ZNF292: variants seen among roughly 807,000 people sequenced by gnomAD.
ZNF292 encodes 16 zinc-finger domain protein.
A neutral mutation model predicts 217.9 loss-of-function variants in ZNF292; 26 were observed. That is an observed-to-expected ratio of 0.12 (90% confidence interval 0.09 to 0.17). ZNF292 has a LOEUF of 0.17. ZNF292 is among the 10% of genes least tolerant of loss of function. The probability of loss-of-function intolerance (pLI) is 1.00; values close to 1 mark genes in which losing one functional copy is unlikely to be tolerated. For synonymous variants in ZNF292, 1,257 were observed against 1,124.1 expected, an observed-to-expected ratio of 1.12 and a Z score of -2.37; for missense variants, 2,904 against 3,175.2, an observed-to-expected ratio of 0.91 and a Z score of 2.05.
At chr6:87,193,461 G>A (rs1771872773) in intron 1 of ZNF292, among the ~76,000 whole-genome samples, 2 of 151,996 alleles carry the variant, frequency 1.3e-5, no homozygotes, top group South Asian at 2.1e-4. Flanking sequence ...GATTGCTTGA[G>A]CCTGAGAGGT....
chr6:87,155,736 G>T lies in ZNF292; in HGVS notation c.145G>T (p.Asp49Tyr). ...SRVPAVEAATDYCQQLCQTLL... is the reference protein window; with the variant it reads ...SRVPAVEAATYYCQQLCQTLL... ...GGTACCGGCCGTGGAAGCGGCCACCGACTACTGTCAGCAGCTGTGCCAGGT... is the reference window on the plus strand; with the variant it reads ...GGTACCGGCCGTGGAAGCGGCCACCTACTACTGTCAGCAGCTGTGCCAGGT... Residue 49 changes from aspartate (D) to tyrosine (Y), a missense_variant, in exon 1 of 8, where the codon GAC becomes TAC. Physicochemically the swap from Asp to Tyr is radical, Grantham distance 160 (BLOSUM62 -3). Transcript: ENST00000369577. The T allele has an allele frequency of 1.9e-6, 3 of 1,599,920 alleles. No individual in the cohort carries two copies. Among genetic ancestry groups the T allele is most frequent in the Non-Finnish European group, 2.6e-6 (3 of 1,174,876 alleles).
intron 1 of ZNF292, among the ~76,000 whole-genome samples, chr6:87,202,824 A>G (rs916348297): frequency 4.6e-5 from 7 of 152,162 alleles, no homozygotes; most frequent in Non-Finnish European, 1.0e-4. Context: ...GGGGGAGAGA[A>G]AGAGACCACA....
intron 1 of ZNF292, among the ~76,000 whole-genome samples, chr6:87,198,836 A>C (rs573469104): frequency 1.3e-5 from 2 of 152,246 alleles, no homozygotes; most frequent in Admixed American, 6.5e-5. Flanking sequence ...AAAAGCTATC[A>C]AATATTTCAT....
intron 1 of ZNF292, among the ~76,000 whole-genome samples, chr6:87,176,294 G>A (rs1452238418): frequency 6.6e-6 from 1 of 152,228 alleles, no homozygotes; most frequent in Non-Finnish European, 1.5e-5. Context: ...AGAATAGACA[G>A]TGGTGGGGAA....
Position 87,256,611 on chromosome 6 carries a change from C to T in ZNF292, c.2982C>T (p.Cys994=), listed in dbSNP as rs1775229041. ...TCCAGGAGAGAAAAGAACAAGATTG[C>T]TTTAATGATGCCCATGTTACTCAGA... ...PGFQERKEQD[C]FNDAHVTQNS... Residue 994 remains cysteine (C), a synonymous_variant, in exon 8 of 8, where the codon TGC becomes TGT. Coordinates refer to ENST00000369577, the MANE Select transcript of ZNF292 (RefSeq NM_015021.3). The T allele has an allele frequency of 1.9e-6, 3 of 1,613,482 alleles. No homozygotes were observed. The highest frequency in any genetic ancestry group is 2.5e-6 in the Non-Finnish European group (3 of 1,179,830).
Position 87,259,956 on chromosome 6 carries a change from TCCTTACAGA to T in ZNF292, c.6333_6341del (p.Pro2113_Arg2115del), listed in dbSNP as rs762036850. 6.2e-7 allele frequency: 1 copy of T among 1,613,630 alleles called. No homozygotes were observed. Among genetic ancestry groups the T allele is most frequent in the Non-Finnish European group, 8.5e-7 (1 of 1,179,704 alleles). On this transcript the variant is annotated inframe_deletion, in exon 8 of 8. Transcript: ENST00000369577. ...CCCTTGAGTTTCCAACAAGATACAG[TCCTTACAGA>T]CCTTATCGATGTGTTCACCAGGGAT... is the stretch of plus-strand genomic sequence containing the variant.
intron 4 of ZNF292, among the ~76,000 whole-genome samples, chr6:87,222,197 C>T (rs956050273): frequency 1.3e-5 from 2 of 152,054 alleles, no homozygotes; most frequent in Non-Finnish European, 2.9e-5. Flanking sequence ...TTGCAGACTT[C>T]ATTTTCATAT....
At chr6:87,245,169 A>C (rs1439478297) in intron 6 of ZNF292, among the ~76,000 whole-genome samples, 1 of 151,906 alleles carries the variant, frequency 6.6e-6, no homozygotes, top group Non-Finnish European at 1.5e-5. Context: ...TGAACCCGGG[A>C]GGCAAGGTTG....
rs1775634437 is a variant in ZNF292 at position 87,262,041 on chromosome 6, A to G, written c.*240A>G. On this transcript the variant is annotated 3_prime_UTR_variant, in exon 8 of 8. Coordinates refer to ENST00000369577, the MANE Select transcript of ZNF292 (RefSeq NM_015021.3). ...TTGTAAATAGTGAGCTAAACCTCAA[A>G]TTTCTATCACCCAGTTGCCCTTTTC... The G allele has an allele frequency of 3.5e-6, 1 of 287,376 alleles. No homozygotes were observed. Among genetic ancestry groups the G allele is most frequent in the Non-Finnish European group, 6.5e-6 (1 of 154,728 alleles). The allele number at this position is 287,376 out of a possible 1,614,324, so 17.8% of individuals were successfully genotyped here.
chr6:87,246,833 G>A (rs913876706), intron 7 of ZNF292, among the ~76,000 whole-genome samples: 2 of 152,058 alleles, frequency 1.3e-5, no homozygotes, highest in African/African-American at 2.4e-5. Flanking sequence ...TCCAGCCTGG[G>A]TGACAAGCAA....
At position 87,259,837 on chromosome 6, in the gene ZNF292, A is replaced by G. The variant is rs910486581; in HGVS notation, c.6208A>G (p.Asn2070Asp). The G allele has an allele frequency of 3.7e-6, 6 of 1,612,786 alleles. No individual in the cohort carries two copies. The highest frequency in any genetic ancestry group is 5.1e-6 in the Non-Finnish European group (6 of 1,179,372). Residue 2070 changes from asparagine (N) to aspartate (D), a missense_variant, in exon 8 of 8, where the codon AAT (asparagine) becomes GAT (aspartate). This residue lies in a region of ZNF292 where 261 missense variants were observed against 272.8 expected (regional missense o/e 0.96). Transcript: ENST00000369577. ...ITVTSEQCNT[N>D]ALTNTQTKGR... is the part of the protein sequence containing the mutation. The stretch of plus-strand genomic sequence containing the variant: ...AGTTACTTCAGAACAATGTAATACA[A>G]ATGCACTCACAAACACACAAACCAA...
At chr6:87,249,133 G>T (rs1332486260) in intron 7 of ZNF292, among the ~76,000 whole-genome samples, 1 of 152,054 alleles carries the variant, frequency 6.6e-6, no homozygotes, top group Non-Finnish European at 1.5e-5. Context: ...GCTTTTGTTG[G>T]TTCATTGGTT....
intron 5 of ZNF292, among the ~76,000 whole-genome samples, chr6:87,241,788 C>T (rs1291138187): frequency 6.6e-6 from 1 of 152,300 alleles, no homozygotes; most frequent in South Asian, 2.1e-4. Flanking sequence ...CTAGCACATT[C>T]ATACAGGTGG....
Position 87,260,833 on chromosome 6 carries a change from A to C in ZNF292, c.7204A>C (p.Asn2402His). 6.2e-7 allele frequency: 1 copy of C among 1,612,116 alleles called. No homozygotes were observed. The highest frequency in any genetic ancestry group is 8.5e-7 in the Non-Finnish European group (1 of 1,178,914). The change falls in exon 8 of 8, where the codon AAT (asparagine) becomes CAT (histidine). Residue 2402 changes from asparagine to histidine, a missense_variant. By Grantham distance (68) the Asn-to-His change is moderately conservative. Transcript: ENST00000369577. ...TACTTCAGTTGTTACAAGTGAAAGC[A>C]ATATAATTAGACATTATAAGTGCCA... ...GCTSVVTSESNIIRHYKCHKL... is the reference protein window; with the variant it reads ...GCTSVVTSESHIIRHYKCHKL...
At chr6:87,219,021 A>G (rs1245726626) in intron 4 of ZNF292, among the ~76,000 whole-genome samples, 2 of 152,182 alleles carry the variant, frequency 1.3e-5, no homozygotes, top group Admixed American at 6.5e-5. Context: ...TTTATATTTG[A>G]TAATTTATTT....
At chr6:87,238,549 T>C (rs1287025514) in intron 5 of ZNF292, among the ~76,000 whole-genome samples, 1 of 150,358 alleles carries the variant, frequency 6.7e-6, no homozygotes, top group East Asian at 1.9e-4. Flanking sequence ...TCTTGCCTTA[T>C]ACATAATAGA....
intron 5 of ZNF292, among the ~76,000 whole-genome samples, chr6:87,241,827 T>C (rs1774302825): frequency 6.6e-6 from 1 of 152,260 alleles, no homozygotes; most frequent in Non-Finnish European, 1.5e-5. Flanking sequence ...TTCAGCTTAC[T>C]ATTTTTCAGC....
At chr6:87,198,216 A>T (rs535011990) in intron 1 of ZNF292, among the ~76,000 whole-genome samples, 6 of 139,324 alleles carry the variant, frequency 4.3e-5, no homozygotes, top group African/African-American at 1.9e-4. Flanking sequence ...TTATTTATTT[A>T]TTTTTTGAGA....
intron 1 of ZNF292, among the ~76,000 whole-genome samples, chr6:87,186,454 T>C (rs569126176): frequency 6.6e-6 from 1 of 152,348 alleles, no homozygotes; most frequent in South Asian, 2.1e-4. Context: ...GTGAGTACAC[T>C]TTGCATCTTC....
Sources: gnomAD v4.1 joint callset for allele counts (sites outside exome capture counted in the v4.1 genomes callset) on GRCh38, gnomAD v4.1.1 for gene constraint, gnomAD v4.1.1 regional missense constraint, MANE v1.5 for transcripts, NCBI Gene and HGNC (gene_info 2026-07-23, HGNC 2026-07-21) for gene names.